Variants in SCMH1 observed in about 807,000 individuals in gnomAD.
SCMH1 encodes Scm polycomb group protein homolog 1, also known as polycomb protein SCMH1.
In SCMH1, 37 loss-of-function variants were observed where a neutral mutation model predicts 70.8. That is an observed-to-expected ratio of 0.52 (90% CI 0.40 to 0.69). The LOEUF (loss-of-function observed/expected upper bound fraction) is 0.69. SCMH1 is among the 30% of genes least tolerant of loss of function. SCMH1 has a pLI of 0.00. For synonymous variants in SCMH1, 292 were observed against 307.4 expected (o/e 0.95, Z 0.52); for missense variants, 607 against 827.3 (o/e 0.73, Z 3.27).
At position 41,151,697 on chromosome 1, in the gene SCMH1, T is replaced by C. The variant is rs368570635; in HGVS notation, c.107-13A>G. 4.7e-5 allele frequency: 74 copies of C among 1,586,658 alleles called. No individual in the cohort carries two copies. Among genetic ancestry groups the C allele is most frequent in the African/African-American group, 8.1e-5 (6 of 74,110 alleles). ...CAGGTAAAATGACCTGTAAAGGAAA[T>C]AGAAATCTATATCACAGTCAACTTC... On this transcript the variant is annotated splice_polypyrimidine_tract_variant and intron_variant, in intron 4 of 14. Coordinates refer to ENST00000337495, the Ensembl canonical transcript of SCMH1.
chr1:41,185,057 G>A (rs965996279), intron 2 of SCMH1, among the ~76,000 whole-genome samples: 5 of 152,086 alleles, frequency 3.3e-5, no homozygotes, highest in Admixed American at 6.6e-5. Flanking sequence ...AAAGAGAGTA[G>A]CTTCCTCTTA....
chr1:41,227,707 C>T (rs1429995175), intron 1 of SCMH1, among the ~76,000 whole-genome samples: 2 of 152,100 alleles, frequency 1.3e-5, no homozygotes, highest in Non-Finnish European at 2.9e-5. Context: ...TTTGGCTGGG[C>T]GCAGTGGCTC....
Position 41,085,474 on chromosome 1 carries a change from A to T in SCMH1, c.746-10023T>A, listed in dbSNP as rs146106870. Among the ~76,000 whole-genome samples the T allele has an allele frequency of 5.3e-5, 8 of 152,336 alleles. No individual in the cohort carries two copies. In the East Asian group the frequency reaches 1.4e-3, roughly 26 times the overall value. ...CAGGAATAAAGTACTGATACCTACT[A>T]GCTCCACTAATATTTAACATTGCAC... On this transcript the variant is annotated intron_variant, in intron 8 of 14. Transcript: ENST00000337495.
chr1:41,067,624 G>T (rs1655108879), intron 10 of SCMH1, among the ~76,000 whole-genome samples: 1 of 152,184 alleles, frequency 6.6e-6, no homozygotes, highest in African/African-American at 2.4e-5. Context: ...ACAATAAACA[G>T]ATCAGTGGTT....
At chr1:41,072,297 G>C (rs2148886505) in intron 9 of SCMH1, among the ~76,000 whole-genome samples, 1 of 152,314 alleles carries the variant, frequency 6.6e-6, no homozygotes, top group East Asian at 1.9e-4. Context: ...TCAATGAGTT[G>C]GTGGTAGGAT....
chr1:41,225,113 A>T (rs1386054644), intron 1 of SCMH1, among the ~76,000 whole-genome samples: 3 of 152,336 alleles, frequency 2.0e-5, no homozygotes, highest in African/African-American at 7.2e-5. Flanking sequence ...AAACTTTTCA[A>T]TCAAAACAAT....
exon 5 of SCMH1, chr1:41,151,624 C>A (rs1183606680): frequency 6.2e-7 from 1 of 1,610,270 alleles, no homozygotes; most frequent in African/African-American, 1.3e-5. Context: ...CTGCTTGAAG[C>A]AATGGACAGG....
At chr1:41,045,974 A>G (rs1646851064) in intron 12 of SCMH1, 2 of 155,814 alleles carry the variant, frequency 1.3e-5, no homozygotes, top group Non-Finnish European at 2.8e-5. Context: ...GTGCCAAAGG[A>G]AAGAATAGAT....
chr1:41,118,802 C>G (rs756460911), intron 6 of SCMH1, among the ~76,000 whole-genome samples: 10 of 152,276 alleles, frequency 6.6e-5, no homozygotes, highest in Middle Eastern at 3.4e-3. Context: ...ATAACAAAAC[C>G]TAATGTTTTT....
chr1:41,088,412 G>A (rs1662361823), intron 8 of SCMH1, among the ~76,000 whole-genome samples: 1 of 152,084 alleles, frequency 6.6e-6, no homozygotes, highest in Non-Finnish European at 1.5e-5. Flanking sequence ...AATCCATAAA[G>A]ATAAGGACAA....
chr1:41,105,960 T>G (rs900932093), intron 8 of SCMH1, among the ~76,000 whole-genome samples: 1 of 151,528 alleles, frequency 6.6e-6, no homozygotes, highest in Non-Finnish European at 1.5e-5. Context: ...CTGCAACCTC[T>G]ACCTCCTGGG....
chr1:41,075,289 A>G (rs1189399100), exon 9 of SCMH1: 2 of 1,613,944 alleles, frequency 1.2e-6, no homozygotes, highest in Non-Finnish European at 1.7e-6. Flanking sequence ...TGGGGCAGAG[A>G]TGGGATGGGA....
chr1:41,226,064 T>C (rs1660221492), intron 1 of SCMH1, among the ~76,000 whole-genome samples: 1 of 152,196 alleles, frequency 6.6e-6, no homozygotes, highest in African/African-American at 2.4e-5. Flanking sequence ...ATAAGCAAAA[T>C]GTTTGTTACC....
intron 2 of SCMH1, chr1:41,185,907 G>A (rs1650077087): frequency 2.8e-6 from 1 of 360,948 alleles, no homozygotes; most frequent in Non-Finnish European, 5.1e-6. Context: ...TTACAGGCAT[G>A]AGCCACCGAG....
At chr1:41,031,337 A>AC (rs1254348109) in intron 13 of SCMH1, among the ~76,000 whole-genome samples, 2 of 151,426 alleles carry the variant, frequency 1.3e-5, no homozygotes, top group African/African-American at 4.9e-5. Flanking sequence ...CACCGCCACC[A>AC]CACACACACA....
intron 6 of SCMH1, among the ~76,000 whole-genome samples, chr1:41,139,418 C>T (rs1355235294): frequency 2.6e-5 from 4 of 152,216 alleles, no homozygotes; most frequent in Middle Eastern, 3.4e-3. Context: ...GTGGCATTCT[C>T]GGCTCCTAGT....
chr1:41,200,326 A>G (rs1370569093), intron 1 of SCMH1, among the ~76,000 whole-genome samples: 1 of 151,878 alleles, frequency 6.6e-6, no homozygotes, highest in African/African-American at 2.4e-5. Flanking sequence ...AAATACAAAA[A>G]AACATTAGCT....
chr1:41,225,974 T>C (rs748370464), intron 1 of SCMH1, among the ~76,000 whole-genome samples: 2 of 151,988 alleles, frequency 1.3e-5, no homozygotes, highest in African/African-American at 2.4e-5. Flanking sequence ...GGAGGCAGAG[T>C]CCACCCTGCC....
intron 8 of SCMH1, among the ~76,000 whole-genome samples, chr1:41,111,922 T>C (rs187639848): frequency 6.6e-6 from 1 of 152,342 alleles, no homozygotes; most frequent in Non-Finnish European, 1.5e-5. Context: ...ATTTTCATTG[T>C]GGTAATGGTT....
Sources: gnomAD v4.1 joint callset for allele counts (sites outside exome capture counted in the v4.1 genomes callset) on GRCh38, gnomAD v4.1.1 for gene constraint, MANE v1.5 for transcripts, NCBI Gene and HGNC (gene_info 2026-07-23, HGNC 2026-07-21) for gene names.